Variants in MPP3 observed in about 807,000 individuals in gnomAD.
MPP3 encodes the protein MAGUK p55 subfamily member 3.
In MPP3, 48 loss-of-function variants were observed where a neutral mutation model predicts 80.7. The ratio of observed to expected loss-of-function variants is 0.59; its 90% CI spans 0.47 to 0.76. The LOEUF is 0.76. MPP3 is among the 30% of genes least tolerant of loss of function. MPP3 has a pLI of 0.00. For missense variants in MPP3, 620 were observed against 763.0 expected (o/e 0.81, Z 2.21); for synonymous variants, 311 against 297.6 (o/e 1.04, Z -0.46).
rs763996609 is a variant in MPP3 at position 43,814,027 on chromosome 17, A to C, written c.1239T>G (p.Phe413Leu). The C allele has an allele frequency of 6.2e-7, 1 of 1,613,068 alleles. No individual in the cohort carries two copies. The highest frequency in any genetic ancestry group is 8.5e-7 in the Non-Finnish European group (1 of 1,179,346). ...CCCTCTTACGTGGAACAGCGACGCC[A>C]AAGTGCTGTGGGTTCTCAGCCACCA... Reference protein sequence around the residue: ...QKVVAENPQHFGVAVPHTTRP... With the variant: ...QKVVAENPQHLGVAVPHTTRP... The change falls in exon 16 of 20, where the codon TTT (phenylalanine) becomes TTG (leucine). Residue 413 changes from phenylalanine (F) to leucine (L), a missense_variant. Physicochemically the swap from Phe to Leu is conservative, Grantham distance 22. Coordinates refer to ENST00000398389, the MANE Select transcript of MPP3 (RefSeq NM_001932.6).
rs551060821 is a variant in MPP3, at chr17:43,827,890, T to C, written c.442-58A>G. 32 of 1,538,320 alleles carry C rather than the reference T, an allele frequency of 2.1e-5. No individual in the cohort carries two copies. The African/African-American group carries it at 3.7e-4, about 18-fold the overall frequency. On this transcript the variant is annotated intron_variant, in intron 7 of 19. Transcript: ENST00000398389. ...GCAGCAGCTCCAAACCTCAGACCCC[T>C]ACTCTCTGGACCCAACACAGCCTCC...
At chr17:43,815,945 T>C in intron 14 of MPP3, 93 bp downstream of exon 14, 1 of 1,183,508 alleles carries the variant, frequency 8.4e-7, no homozygotes, top group South Asian at 1.6e-5. Context: ...GAAGGACTCC[T>C]GGGGCTCAGA....
chr17:43,805,026 A>C (rs530904332), intron 19 of MPP3, among the ~76,000 whole-genome samples: 6 of 152,196 alleles, frequency 3.9e-5, no homozygotes, highest in Admixed American at 6.5e-5. Flanking sequence ...CTCAAAAAAA[A>C]AGAAAGTGAA....
chr17:43,820,757 C>T (rs1029138271), intron 11 of MPP3, 105 bp downstream of exon 11: 10 of 1,053,772 alleles, frequency 9.5e-6, no homozygotes, highest in African/African-American at 8.0e-5. Context: ...GGGAACAATG[C>T]TCAGCAGGCC....
rs776496832 is a variant in MPP3, at chr17:43,815,715, C to T, written c.1009+323G>A. 5.0e-4 allele frequency: 265 copies of T among 534,516 alleles called. 2 individuals are homozygous for T. In the Admixed American group the frequency reaches 6.9e-3, roughly 14 times the overall value. The allele number at this position is 534,516 out of a possible 1,614,324, so 33.1% of individuals were successfully genotyped here. On this transcript the variant is annotated intron_variant, in intron 14 of 19. Coordinates refer to ENST00000398389, the MANE Select transcript of MPP3 (RefSeq NM_001932.6). ...TCTGGAGAGCCGCAAACACCCCTCACTGCGTGGTAGTGGTGTTAATATTGA... is the reference window on the plus strand; with the variant it reads ...TCTGGAGAGCCGCAAACACCCCTCATTGCGTGGTAGTGGTGTTAATATTGA...
intron 7 of MPP3, 68 bp from the exon 8 acceptor site, chr17:43,827,900 A>T (rs924741652): frequency 6.9e-7 from 1 of 1,456,060 alleles, no homozygotes. Context: ...TACTCTCTGG[A>T]CCCAACACAG....
intron 8 of MPP3, among the ~76,000 whole-genome samples, chr17:43,826,365 C>T (rs1268282941): frequency 6.6e-6 from 1 of 152,202 alleles, no homozygotes; most frequent in Non-Finnish European, 1.5e-5. Context: ...TGGGCACTGG[C>T]CCGGCTGCAT....
At chr17:43,803,469 G>A (rs1373704557) in intron 19 of MPP3, among the ~76,000 whole-genome samples, 5 of 152,036 alleles carry the variant, frequency 3.3e-5, no homozygotes, top group Non-Finnish European at 5.9e-5. Context: ...TCACAGTCCC[G>A]AAGATCACAT....
chr17:43,820,603 A>C (rs868511392), intron 11 of MPP3, among the ~76,000 whole-genome samples: 6 of 127,602 alleles, frequency 4.7e-5, no homozygotes, highest in Middle Eastern at 3.8e-3. Context: ...AAAAAAAAAA[A>C]ATACACACAC....
At chr17:43,828,375 C>T (rs2045812424) in intron 7 of MPP3, among the ~76,000 whole-genome samples, 1 of 152,190 alleles carries the variant, frequency 6.6e-6, no homozygotes, top group Non-Finnish European at 1.5e-5. Context: ...AAGGCACTAA[C>T]GAGCCCTCGA....
At chr17:43,813,944 A>C in intron 16 of MPP3, 67 bp downstream of exon 16, 1 of 1,277,710 alleles carries the variant, frequency 7.8e-7, no homozygotes, top group Middle Eastern at 2.0e-4. Flanking sequence ...GGATCTGGGG[A>C]GTTAAGTCTC....
intron 10 of MPP3, among the ~76,000 whole-genome samples, chr17:43,823,231 GA>G (rs1261094837): frequency 2.6e-5 from 4 of 152,084 alleles, no homozygotes; most frequent in African/African-American, 9.7e-5. Context: ...AGGCCATTCA[GA>G]ACATAGGCTT....
chr17:43,819,745 C>T (rs1255144952), intron 11 of MPP3, among the ~76,000 whole-genome samples: 2 of 151,366 alleles, frequency 1.3e-5, no homozygotes, highest in African/African-American at 4.9e-5. Context: ...ACTAAAATCA[C>T]ACTACAAAAA....
At position 43,831,643 on chromosome 17, in the gene MPP3, C is replaced by T; in HGVS notation, c.60G>A (p.Gln20=). ...LHETLALLTS[Q]LRPDSNHKEE... The stretch of plus-strand genomic sequence containing the variant: ...CCTTGTGGTTGGAGTCAGGTCTGAG[C>T]TGGGAGGTCAGCAGGGCCAGGGTTT... Residue 20 remains glutamine (Q), a synonymous_variant, in exon 4 of 20, where the codon CAG becomes CAA. Transcript: ENST00000398389. The T allele has an allele frequency of 6.2e-7, 1 of 1,613,336 alleles. No individual in the cohort carries two copies. The highest frequency in any genetic ancestry group is 8.5e-7 in the Non-Finnish European group (1 of 1,179,454).
chr17:43,807,782 C>T (rs952520125), intron 19 of MPP3, among the ~76,000 whole-genome samples: 2 of 151,906 alleles, frequency 1.3e-5, no homozygotes, highest in Non-Finnish European at 2.9e-5. Flanking sequence ...ACAGAGACAC[C>T]CTGTCTCTAT....
intron 19 of MPP3, among the ~76,000 whole-genome samples, chr17:43,808,339 G>C (rs888506874): frequency 6.6e-6 from 1 of 152,114 alleles, no homozygotes; most frequent in African/African-American, 2.4e-5. Flanking sequence ...AACTGACCCT[G>C]TTAAGAACCA....
At chr17:43,814,617 C>A in intron 14 of MPP3, 1 of 373,430 alleles carries the variant, frequency 2.7e-6, no homozygotes. Flanking sequence ...CAAGTCCCTT[C>A]ATCTCTCTGA....
At chr17:43,805,397 T>C (rs772550568) in intron 19 of MPP3, among the ~76,000 whole-genome samples, 11 of 152,214 alleles carry the variant, frequency 7.2e-5, no homozygotes, top group Non-Finnish European at 1.6e-4. Flanking sequence ...ACAGCTGCCA[T>C]GGTAGAGTTA....
At chr17:43,809,365 C>A (rs2044749750) in intron 18 of MPP3, among the ~76,000 whole-genome samples, 1 of 152,160 alleles carries the variant, frequency 6.6e-6, no homozygotes, top group African/African-American at 2.4e-5. Context: ...AGCTCTGACT[C>A]CTCCGGCTAT....
Sources: gnomAD v4.1 joint callset for allele counts (sites outside exome capture counted in the v4.1 genomes callset) on GRCh38, gnomAD v4.1.1 for gene constraint, MANE v1.5 for transcripts, NCBI Gene and HGNC (gene_info 2026-07-23, HGNC 2026-07-21) for gene names.